The following PRKCH variants were observed in gnomAD, a reference collection of about 807,000 sequenced individuals.
PRKCH encodes protein kinase C eta type.
Under a neutral mutation model 82.5 loss-of-function variants are expected in PRKCH, and 28 were observed. The observed-to-expected ratio is 0.34, with a 90% CI of 0.25 to 0.47. The LOEUF (loss-of-function observed/expected upper bound fraction) is 0.47. Ranked by LOEUF, PRKCH falls within the 20% of genes least tolerant of loss-of-function variation. PRKCH has a pLI of 1.00. For missense variants in PRKCH, 705 were observed against 881.8 expected (o/e 0.80, Z 2.54); for synonymous variants, 322 against 327.4 (o/e 0.98, Z 0.18).
At chr14:61,511,982 G>A (rs1223885328) in intron 10 of PRKCH, among the ~76,000 whole-genome samples, 1 of 152,138 alleles carries the variant, frequency 6.6e-6, no homozygotes, top group Non-Finnish European at 1.5e-5. Flanking sequence ...CAGGTAAAAT[G>A]TTCTACTTTC....
chr14:61,396,489 C>G (rs1345852206), intron 2 of PRKCH, among the ~76,000 whole-genome samples: 1 of 152,178 alleles, frequency 6.6e-6, no homozygotes, highest in Non-Finnish European at 1.5e-5. Context: ...CATAGACACT[C>G]TCACAGGAGC....
intron 2 of PRKCH, among the ~76,000 whole-genome samples, chr14:61,394,339 G>A (rs1275750547): frequency 6.6e-6 from 1 of 151,950 alleles, no homozygotes; most frequent in African/African-American, 2.4e-5. Context: ...GCTTTGCTTG[G>A]TATCTTTTAT....
At chr14:61,334,880 T>A (rs572577678) in intron 1 of PRKCH, among the ~76,000 whole-genome samples, 21 of 152,138 alleles carry the variant, frequency 1.4e-4, no homozygotes, top group Admixed American at 1.3e-4. Context: ...ATTTATTTAA[T>A]TTTTTTAGAT....
chr14:61,254,796 G>T (rs1042190273), intron 1 of PRKCH, among the ~76,000 whole-genome samples: 14 of 152,168 alleles, frequency 9.2e-5, no homozygotes, highest in African/African-American at 3.4e-4. Flanking sequence ...AAAGGACATG[G>T]TCAGAAATCT....
At chr14:61,383,584 T>C (rs2046542992) in intron 1 of PRKCH, among the ~76,000 whole-genome samples, 1 of 152,092 alleles carries the variant, frequency 6.6e-6, no homozygotes, top group South Asian at 2.1e-4. Context: ...TGTGTCATCT[T>C]CTGTGCTCGG....
chr14:61,325,615 C>T (rs957160142), intron 1 of PRKCH, among the ~76,000 whole-genome samples: 3 of 152,070 alleles, frequency 2.0e-5, no homozygotes, highest in African/African-American at 7.2e-5. Flanking sequence ...GTAAGTTGGA[C>T]TTTATCAAAA....
chr14:61,320,178 C>CA (rs1250774006), upstream of PRKCH, among the ~76,000 whole-genome samples: 1 of 151,782 alleles, frequency 6.6e-6, no homozygotes, highest in African/African-American at 2.4e-5. Flanking sequence ...GATGACAAAG[C>CA]AAAACCCAGT....
chr14:61,540,095 C>A (rs1014619641), intron 12 of PRKCH, among the ~76,000 whole-genome samples: 7 of 152,224 alleles, frequency 4.6e-5, no homozygotes, highest in African/African-American at 1.7e-4. Flanking sequence ...AGCAAAAAGA[C>A]CCTCAGTAGT....
At chr14:61,356,774 C>A (rs1417665758) in intron 1 of PRKCH, among the ~76,000 whole-genome samples, 1 of 152,158 alleles carries the variant, frequency 6.6e-6, no homozygotes, top group African/African-American at 2.4e-5. Flanking sequence ...CTCTGCCTCC[C>A]AGGTTCAAAC....
chr14:61,244,733 T>G (rs2044866129), intron 1 of PRKCH, among the ~76,000 whole-genome samples: 2 of 152,212 alleles, frequency 1.3e-5, no homozygotes, highest in Non-Finnish European at 2.9e-5. Flanking sequence ...TTATTAAATA[T>G]TCACATCAGG....
intron 9 of PRKCH, among the ~76,000 whole-genome samples, chr14:61,461,028 GA>G (rs1055189133): frequency 2.4e-4 from 36 of 150,766 alleles, no homozygotes; most frequent in African/African-American, 3.2e-4. Flanking sequence ...GTTATCAAGA[GA>G]AAAAAAAATG....
chr14:61,418,696 A>G (rs1882684723), intron 2 of PRKCH, among the ~76,000 whole-genome samples: 1 of 152,194 alleles, frequency 6.6e-6, no homozygotes, highest in Admixed American at 6.5e-5. Flanking sequence ...CCTTGGAATT[A>G]GTAAATAGAT....
At chr14:61,421,634 C>T (rs1403044115) in intron 2 of PRKCH, among the ~76,000 whole-genome samples, 7 of 152,300 alleles carry the variant, frequency 4.6e-5, no homozygotes, top group Admixed American at 1.3e-4. Context: ...TAGTGTACTA[C>T]TTGTAGGTAC....
intron 1 of PRKCH, among the ~76,000 whole-genome samples, chr14:61,262,233 G>A (rs759805411): frequency 0.028 from 2,905 of 104,932 alleles, 17 homozygotes; most frequent in African/African-American, 0.063. Flanking sequence ...AAAAAAAAAA[G>A]AATATTCAGA....
intron 1 of PRKCH, among the ~76,000 whole-genome samples, chr14:61,243,429 A>G (rs1383966044): frequency 6.6e-6 from 1 of 151,588 alleles, no homozygotes; most frequent in African/African-American, 2.4e-5. Context: ...TGAAATCTAA[A>G]GGAGGAGAGA....
chr14:61,546,275 A>G (rs535260407), intron 12 of PRKCH, among the ~76,000 whole-genome samples: 1 of 152,314 alleles, frequency 6.6e-6, no homozygotes, highest in Non-Finnish European at 1.5e-5. Context: ...TGACCACTGT[A>G]AGTGCCTGAA....
At chr14:61,266,533 T>G (rs896716850) in intron 1 of PRKCH, among the ~76,000 whole-genome samples, 10 of 152,200 alleles carry the variant, frequency 6.6e-5, no homozygotes, top group Admixed American at 3.3e-4. Context: ...AAGGAACTTC[T>G]GGGAGTGCAT....
intron 1 of PRKCH, among the ~76,000 whole-genome samples, chr14:61,190,440 G>A (rs1389494588): frequency 6.6e-6 from 1 of 152,070 alleles, no homozygotes; most frequent in East Asian, 1.9e-4. Flanking sequence ...GCCCTATTTA[G>A]TCCATTCTCT....
At chr14:61,432,791 T>A (rs1883469723) in intron 2 of PRKCH, among the ~76,000 whole-genome samples, 1 of 152,106 alleles carries the variant, frequency 6.6e-6, no homozygotes, top group Non-Finnish European at 1.5e-5. Context: ...CCAGACTGGT[T>A]TTGTACTCCT....
Sources: allele counts gnomAD v4.1 joint callset (sites outside exome capture counted in the v4.1 genomes callset), GRCh38; gene constraint gnomAD v4.1.1; transcripts MANE v1.5; gene names NCBI Gene and HGNC (gene_info 2026-07-23, HGNC 2026-07-21).